Variants in PLB1 observed in about 807,000 individuals in gnomAD.
PLB1 encodes the protein phospholipase B1, membrane-associated.
Under a neutral mutation model 227.4 loss-of-function variants are expected in PLB1, and 242 were observed. That is an observed-to-expected ratio of 1.06 (90% confidence interval 0.96 to 1.18). PLB1 has a LOEUF of 1.18. Among genes scored for constraint, PLB1 ranks in the 50% most tolerant of loss-of-function variants. The pLI, the probability that PLB1 is intolerant of heterozygous loss-of-function variation, is 0.00. For synonymous variants in PLB1, 757 were observed against 682.2 expected (o/e 1.11, Z -1.71); for missense variants, 1,858 against 1,816.3 (o/e 1.02, Z -0.42).
At chr2:28,598,903 CCT>C in intron 35 of PLB1, 143 bp downstream of exon 35, 1 of 706,942 alleles carries the variant, frequency 1.4e-6, no homozygotes, top group East Asian at 2.6e-5. Flanking sequence ...CCCTGCTGCC[CCT>C]GTGACGAAGG....
intron 14 of PLB1, chr2:28,548,463 A>G: frequency 2.3e-6 from 1 of 438,040 alleles, no homozygotes; most frequent in Non-Finnish European, 4.8e-6. Context: ...CCATTGCTAG[A>G]TGTTTGGTTG....
intron 43 of PLB1, among the ~76,000 whole-genome samples, chr2:28,611,003 T>C (rs1376449714): frequency 6.6e-6 from 1 of 152,002 alleles, no homozygotes; most frequent in African/African-American, 2.4e-5. Context: ...CTCTGACTCA[T>C]GCATGCACCA....
chr2:28,535,161 T>A (rs1399553244), intron 9 of PLB1, among the ~76,000 whole-genome samples: 1 of 152,232 alleles, frequency 6.6e-6, no homozygotes, highest in Non-Finnish European at 1.5e-5. Flanking sequence ...CACTTTTAAT[T>A]GGTTCAAAAC....
At chr2:28,583,290 A>G (rs1173614326) in intron 25 of PLB1, among the ~76,000 whole-genome samples, 2 of 151,920 alleles carry the variant, frequency 1.3e-5, no homozygotes, top group African/African-American at 2.4e-5. Context: ...GGTTCAAGCA[A>G]TTCTCCCACC....
intron 20 of PLB1, among the ~76,000 whole-genome samples, chr2:28,571,624 G>A (rs566038266): frequency 6.6e-6 from 1 of 152,278 alleles, no homozygotes; most frequent in South Asian, 2.1e-4. Context: ...AAGATTGAGA[G>A]TCAGAAATTA....
chr2:28,500,810 A>G (rs1667009535), intron 1 of PLB1, among the ~76,000 whole-genome samples: 1 of 152,206 alleles, frequency 6.6e-6, no homozygotes, highest in South Asian at 2.1e-4. Context: ...GTGTGTTGTA[A>G]TCCAGGCCTG....
At chr2:28,622,704 A>G (rs1167838089) in intron 49 of PLB1, among the ~76,000 whole-genome samples, 1 of 152,180 alleles carries the variant, frequency 6.6e-6, no homozygotes, top group Admixed American at 6.5e-5. Context: ...CTTGGCCAAC[A>G]TGGTGAAACC....
intron 49 of PLB1, among the ~76,000 whole-genome samples, chr2:28,624,572 CTAAG>C (rs1687479589): frequency 6.6e-6 from 1 of 151,454 alleles, no homozygotes; most frequent in Non-Finnish European, 1.5e-5. Flanking sequence ...GTGCGGAAAT[CTAAG>C]TAACCACAGA....
intron 1 of PLB1, among the ~76,000 whole-genome samples, chr2:28,516,255 C>T (rs1035067715): frequency 1.3e-5 from 2 of 152,146 alleles, no homozygotes; most frequent in Non-Finnish European, 2.9e-5. Context: ...GTGGCTTTGC[C>T]ATCTCCCTAC....
At chr2:28,585,954 A>G in intron 26 of PLB1, 112 bp downstream of exon 26, 3 of 959,346 alleles carry the variant, frequency 3.1e-6, no homozygotes, top group South Asian at 1.4e-5. Flanking sequence ...GGGGATGACC[A>G]CTGACTAGTT....
intron 51 of PLB1, 59 bp downstream of exon 51, chr2:28,626,567 A>G (rs1558950376): frequency 1.1e-5 from 16 of 1,452,996 alleles, no homozygotes; most frequent in Non-Finnish European, 1.5e-5. Context: ...CTCTGGCAAC[A>G]TCCTTGCCCA....
intron 11 of PLB1, 144 bp from the exon 12 acceptor site, chr2:28,540,222 A>G (rs1313755481): frequency 6.1e-6 from 4 of 660,892 alleles, no homozygotes; most frequent in South Asian, 3.6e-5. Flanking sequence ...CTCAACATTT[A>G]TGTCCTCTAA....
chr2:28,631,166 AG>A (rs1425091278), intron 54 of PLB1, among the ~76,000 whole-genome samples: 1 of 148,164 alleles, frequency 6.7e-6, no homozygotes, highest in East Asian at 2.0e-4. Context: ...AAAAAAAAAA[AG>A]AAAAAAAGAA....
In PLB1 at chr2:28,625,032, G is replaced by A. The variant is rs748516028; in HGVS notation, c.3528-25G>A. ...TCCTCGCTCCTGAGCCGGCACTAAC[G>A]CCCCTCTCTCTACCCCCCACCTAGG... On this transcript the variant is annotated intron_variant, in intron 49 of 57. Coordinates refer to ENST00000327757, the MANE Select transcript of PLB1 (RefSeq NM_153021.5). 14 of 1,611,072 alleles carry A rather than the reference G, an allele frequency of 8.7e-6. No homozygotes were observed. In the Middle Eastern group the frequency reaches 1.5e-3, roughly 171 times the overall value.
rs372127356 is a variant in PLB1 at position 28,496,166 on chromosome 2, C to T, written c.52C>T (p.Gln18Ter). The change falls in exon 1 of 58, where the codon CAA becomes TAA. Residue 18 changes from glutamine to a stop codon, truncating the protein, a stop_gained. Coordinates refer to ENST00000327757, the MANE Select transcript of PLB1 (RefSeq NM_153021.5). LOFTEE classifies it high-confidence loss of function. ...FLLELLLLLG[Q>*]GTPQIHTSPR... The stretch of plus-strand genomic sequence containing the variant: ...CCTGGAGCTGCTGCTGCTTCTGGGG[C>T]AAGGTAAGCGTGCCTTTTGCTCAGA... The T allele has an allele frequency of 7.4e-6, 12 of 1,613,846 alleles. No individual in the cohort carries two copies. The African/African-American group carries it at 1.5e-4, about 20-fold the overall frequency.
intron 55 of PLB1, 121 bp from the exon 56 acceptor site, chr2:28,632,823 G>A: frequency 1.4e-6 from 1 of 702,872 alleles, no homozygotes; most frequent in Non-Finnish European, 2.5e-6. Flanking sequence ...ATCTGAGCAA[G>A]TTGGCAGGAA....
chr2:28,609,775 T>C (rs1411220223), intron 43 of PLB1, among the ~76,000 whole-genome samples: 1 of 152,222 alleles, frequency 6.6e-6, no homozygotes, highest in Admixed American at 6.5e-5. Flanking sequence ...GTTTTCAAGC[T>C]CTACAGGCAT....
intron 17 of PLB1, among the ~76,000 whole-genome samples, chr2:28,559,032 T>C (rs1383301568): frequency 6.6e-6 from 1 of 152,184 alleles, no homozygotes; most frequent in Non-Finnish European, 1.5e-5. Flanking sequence ...GCCAAATATT[T>C]ATTTAATTTT....
intron 20 of PLB1, among the ~76,000 whole-genome samples, chr2:28,567,546 T>C (rs971138946): frequency 1.4e-5 from 2 of 139,850 alleles, no homozygotes; most frequent in Non-Finnish European, 1.5e-5. Flanking sequence ...CCATCTCAGC[T>C]CATTGCAACC....
Sources: gnomAD v4.1 joint callset for allele counts (sites outside exome capture counted in the v4.1 genomes callset) on GRCh38, gnomAD v4.1.1 for gene constraint, MANE v1.5 for transcripts, NCBI Gene and HGNC (gene_info 2026-07-23, HGNC 2026-07-21) for gene names.